The following KHDRBS2 variants were observed in gnomAD, a reference collection of about 807,000 sequenced individuals.
KHDRBS2 encodes the protein KH RNA binding domain containing, signal transduction associated 2.
KHDRBS2 carries 26 observed loss-of-function variants against 44.3 expected under a neutral mutation model. The observed-to-expected ratio is 0.59, with a 90% confidence interval of 0.43 to 0.81. KHDRBS2 has a LOEUF of 0.81. KHDRBS2 is among the 40% of genes least tolerant of loss of function. The pLI, the probability that KHDRBS2 is intolerant of heterozygous loss-of-function variation, is 0.00. For missense variants in KHDRBS2, 476 were observed against 433.1 expected, an observed-to-expected ratio of 1.10 and a Z score of -0.88; for synonymous variants, 194 against 151.1, an observed-to-expected ratio of 1.28 and a Z score of -2.08.
intron 4 of KHDRBS2, among the ~76,000 whole-genome samples, chr6:61,966,021 A>G (rs890988652): frequency 1.3e-5 from 2 of 151,948 alleles, no homozygotes; most frequent in African/African-American, 4.8e-5. Flanking sequence ...TTCATAGTGT[A>G]CCTCCTCTCA....
At chr6:61,628,567 C>G in the KHDRBS2 span, among the ~76,000 whole-genome samples, 213 of 152,252 alleles carry the variant, frequency 1.4e-3, no homozygotes, top group African/African-American at 4.9e-3. Context: ...TTTGCTTACT[C>G]TCAAACACTA....
At chr6:61,720,806 GC>G (rs369314386) in intron 7 of KHDRBS2, among the ~76,000 whole-genome samples, 14 of 151,136 alleles carry the variant, frequency 9.3e-5, no homozygotes, top group African/African-American at 3.2e-4. Context: ...GTCAATTTTG[GC>G]TTTTGTTGCC....
intron 7 of KHDRBS2, among the ~76,000 whole-genome samples, chr6:61,726,082 T>C (rs1773494799): frequency 6.6e-6 from 1 of 152,056 alleles, no homozygotes; most frequent in Non-Finnish European, 1.5e-5. Flanking sequence ...CAGCAGCACA[T>C]CAAAAAACTT....
At chr6:61,974,953 TAAATAAATAAATAAATA>T (rs1772239771) in intron 4 of KHDRBS2, among the ~76,000 whole-genome samples, 1 of 148,424 alleles carries the variant, frequency 6.7e-6, no homozygotes, top group African/African-American at 2.5e-5. Context: ...AATAAATAAA[TAAATAAATAAATAAATA>T]AATAAATAAA....
chr6:61,599,521 C>G, the KHDRBS2 span, among the ~76,000 whole-genome samples: 1 of 152,170 alleles, frequency 6.6e-6, no homozygotes, highest in African/African-American at 2.4e-5. Flanking sequence ...TAGTGAAACA[C>G]TCTTGTTGCC....
intron 6 of KHDRBS2, among the ~76,000 whole-genome samples, chr6:61,791,969 G>T (rs1582866044): frequency 1.3e-5 from 2 of 150,556 alleles, no homozygotes; most frequent in Admixed American, 1.3e-4. Flanking sequence ...GTCCTTCATG[G>T]TCTGTGTGTT....
At chr6:62,107,551 TCAAGCTAC>T (rs1252029868) in intron 2 of KHDRBS2, among the ~76,000 whole-genome samples, 1 of 152,162 alleles carries the variant, frequency 6.6e-6, no homozygotes, top group Non-Finnish European at 1.5e-5. Context: ...GCCATCCCCA[TCAAGCTAC>T]CAATGACTTT....
chr6:61,894,892 A>C (rs1238596077), intron 5 of KHDRBS2, 59 bp from the exon 6 acceptor site: 25 of 1,256,078 alleles, frequency 2.0e-5, no homozygotes, highest in Admixed American at 6.4e-5. Flanking sequence ...AGGGCCTATC[A>C]CAGAAAAAGT....
At chr6:61,669,968 C>T in the KHDRBS2 span, among the ~76,000 whole-genome samples, 1 of 150,880 alleles carries the variant, frequency 6.6e-6, no homozygotes, top group Admixed American at 6.6e-5. Context: ...ACCAGAATCC[C>T]ACTTCAAATA....
intron 2 of KHDRBS2, among the ~76,000 whole-genome samples, chr6:62,137,991 T>C (rs1811935093): frequency 6.6e-6 from 1 of 152,218 alleles, no homozygotes; most frequent in Non-Finnish European, 1.5e-5. Context: ...CGTGGTTGTT[T>C]TGCTGTAAAG....
chr6:62,243,275 A>T (rs1834992323), intron 1 of KHDRBS2, among the ~76,000 whole-genome samples: 1 of 152,148 alleles, frequency 6.6e-6, no homozygotes, highest in Non-Finnish European at 1.5e-5. Flanking sequence ...GACAGTAAAC[A>T]CTGAGTTTCT....
At chr6:61,690,465 T>C (rs557764904) in intron 8 of KHDRBS2, among the ~76,000 whole-genome samples, 2 of 152,142 alleles carry the variant, frequency 1.3e-5, no homozygotes, top group East Asian at 3.9e-4. Flanking sequence ...AAAAACACCT[T>C]TCCTATGGCT....
chr6:61,721,238 C>T lies in KHDRBS2; in HGVS notation c.893+11444G>A, dbSNP rs1335571362. On this transcript the variant is annotated intron_variant, in intron 7 of 8. Coordinates refer to ENST00000281156, the MANE Select transcript of KHDRBS2 (RefSeq NM_152688.4). ...GATGCCTCCAGCTTTGTCCTTTTGG[C>T]TCCGGATTGACTGGGCGACGCGGGC... 5.3e-5 allele frequency among the ~76,000 whole-genome samples: 8 copies of T among 152,232 alleles called. 1 individual carries two copies. The highest frequency in any genetic ancestry group is 3.3e-4 in the Admixed American group (5 of 15,268).
At chr6:61,766,445 T>C (rs1190205772) in intron 6 of KHDRBS2, among the ~76,000 whole-genome samples, 1 of 152,000 alleles carries the variant, frequency 6.6e-6, no homozygotes. Context: ...ATATTTTGTA[T>C]TTTTTTGTTT....
intron 3 of KHDRBS2, among the ~76,000 whole-genome samples, chr6:61,998,546 G>A (rs184794749): frequency 5.6e-4 from 85 of 152,114 alleles, no homozygotes; most frequent in African/African-American, 2.0e-3. Context: ...TGGAAAACAC[G>A]TTTTCTTCTT....
At chr6:61,617,440 T>C in the KHDRBS2 span, among the ~76,000 whole-genome samples, 1 of 136,648 alleles carries the variant, frequency 7.3e-6, no homozygotes, top group Non-Finnish European at 1.6e-5. Flanking sequence ...AAGTACTATC[T>C]ATTATTAAAA....
intron 6 of KHDRBS2, among the ~76,000 whole-genome samples, chr6:61,890,224 G>A (rs1194636666): frequency 6.6e-6 from 1 of 152,068 alleles, no homozygotes; most frequent in Non-Finnish European, 1.5e-5. Flanking sequence ...GTGACTGATT[G>A]AATAAATAAA....
chr6:62,284,552 AT>A (rs137912758), intron 1 of KHDRBS2, among the ~76,000 whole-genome samples: 8,390 of 151,698 alleles, frequency 0.055, 262 homozygotes, highest in Admixed American at 0.075. Context: ...TTTAATTTAT[AT>A]TTTTTTTCAT....
chr6:61,733,893 G>T (rs113485490), intron 6 of KHDRBS2, among the ~76,000 whole-genome samples: 3,828 of 151,756 alleles, frequency 0.025, 85 homozygotes, highest in Middle Eastern at 0.082. Flanking sequence ...TGGTGCTGGC[G>T]CATCTCTTTC....
Sources: gnomAD v4.1 joint callset for allele counts (sites outside exome capture counted in the v4.1 genomes callset) on GRCh38, gnomAD v4.1.1 for gene constraint, MANE v1.5 for transcripts, NCBI Gene and HGNC (gene_info 2026-07-23, HGNC 2026-07-21) for gene names.